PRAG1: variants seen among roughly 807,000 people sequenced by gnomAD.
PRAG1 encodes the protein inactive tyrosine-protein kinase PRAG1.
PRAG1 carries 110 observed loss-of-function variants against 95.6 expected under a neutral mutation model. The ratio of observed to expected loss-of-function variants is 1.15; its 90% CI spans 0.99 to 1.35. The LOEUF (loss-of-function observed/expected upper bound fraction) is 1.35. PRAG1 is among the 40% of genes most tolerant of loss of function. The pLI is 0.00. For missense variants in PRAG1, 2,554 were observed against 1,864.7 expected, an observed-to-expected ratio of 1.37 and a Z score of -6.81; for synonymous variants, 1,052 against 819.4, an observed-to-expected ratio of 1.28 and a Z score of -4.85.
At chr8:8,358,538 G>C (rs1799751225) in intron 3 of PRAG1, among the ~76,000 whole-genome samples, 1 of 152,070 alleles carries the variant, frequency 6.6e-6, no homozygotes, top group Admixed American at 6.5e-5. Flanking sequence ...AGTGACCAAG[G>C]GGCTGCCAGC....
At chr8:8,329,800 C>A (rs1299190334) in intron 4 of PRAG1, among the ~76,000 whole-genome samples, 1 of 152,226 alleles carries the variant, frequency 6.6e-6, no homozygotes, top group Non-Finnish European at 1.5e-5. Context: ...ATTTCTGCTG[C>A]TCCACAGGGA....
chr8:8,349,930 T>C (rs868325245), intron 3 of PRAG1, among the ~76,000 whole-genome samples: 1 of 144,760 alleles, frequency 6.9e-6, no homozygotes, highest in South Asian at 2.2e-4. Context: ...GATAGGAAAA[T>C]ACACACACAC....
In PRAG1 at chr8:8,372,185, T is replaced by C. The variant is rs143061636; in HGVS notation, c.2162+4062A>G. On this transcript the variant is annotated intron_variant, in intron 3 of 5. Coordinates refer to ENST00000615670, the MANE Select transcript of PRAG1 (RefSeq NM_001080826.3). ...CAGAAAGCAATTTGGTTCTTTCTCA[T>C]CTTAATTGTTTCCCCAGCTCTGCTG... is the stretch of plus-strand genomic sequence containing the variant. Among the ~76,000 whole-genome samples the C allele has an allele frequency of 8.9e-4, 136 of 152,328 alleles. 1 individual carries two copies. In the Middle Eastern group the frequency reaches 0.024, roughly 27 times the overall value.
At position 8,317,961 on chromosome 8, in the gene PRAG1, G is replaced by A; in HGVS notation, c.*193C>T. The A allele has an allele frequency of 2.6e-6, 1 of 391,708 alleles. No individual in the cohort carries two copies. The allele number at this position is 391,708 out of a possible 1,614,324, so 24.3% of individuals were successfully genotyped here. On this transcript the variant is annotated 3_prime_UTR_variant, in exon 6 of 6. Coordinates refer to ENST00000615670, the MANE Select transcript of PRAG1 (RefSeq NM_001080826.3). ...TTAGTGCAGAGAGGAGACGAGTGTG[G>A]ACGGGCAACAGCATCCTTAGTCTTT...
At chr8:8,373,099 G>A (rs1039363029) in intron 3 of PRAG1, among the ~76,000 whole-genome samples, 5 of 152,162 alleles carry the variant, frequency 3.3e-5, no homozygotes, top group Admixed American at 6.5e-5. Flanking sequence ...TTCCATTTTG[G>A]AAAACTGACA....
chr8:8,344,702 T>C (rs1338149735), intron 3 of PRAG1, among the ~76,000 whole-genome samples: 1 of 152,212 alleles, frequency 6.6e-6, no homozygotes, highest in East Asian at 1.9e-4. Flanking sequence ...TGAAAATTTC[T>C]AGTGAGAAAG....
intron 5 of PRAG1, among the ~76,000 whole-genome samples, chr8:8,322,306 G>A (rs1344161251): frequency 6.6e-6 from 1 of 152,026 alleles, no homozygotes; most frequent in Non-Finnish European, 1.5e-5. Flanking sequence ...TCAGCCTCCT[G>A]AGTAGCTGGG....
chr8:8,351,909 A>C lies in PRAG1; in HGVS notation c.2163-12274T>G, dbSNP rs190402634. On this transcript the variant is annotated intron_variant, in intron 3 of 5. Coordinates refer to ENST00000615670, the MANE Select transcript of PRAG1 (RefSeq NM_001080826.3). ...GTTTGGTTAAACAAAAACACTAGTG[A>C]GTTGTTACCCACTTGGGAGTCACTG... Among the ~76,000 whole-genome samples the C allele has an allele frequency of 2.8e-4, 42 of 152,224 alleles. No individual in the cohort carries two copies. In the East Asian group the frequency reaches 4.1e-3, roughly 15 times the overall value.
intron 3 of PRAG1, among the ~76,000 whole-genome samples, chr8:8,345,255 G>T (rs1343861152): frequency 6.6e-6 from 1 of 151,742 alleles, no homozygotes; most frequent in African/African-American, 2.4e-5. Flanking sequence ...AGGTGACCAG[G>T]CATCGTGGCC....
Position 8,377,968 on chromosome 8 carries a change from G to C in PRAG1, c.441C>G (p.Thr147=). The change falls in exon 3 of 6, where the codon ACC becomes ACG. Residue 147 remains threonine, a synonymous_variant. Transcript: ENST00000615670. Reference sequence around the variant, plus strand: ...GACAGCGAGAATTGCCATCAGGGGAGGTAGAGGGACCAGCAGGCTTCTGTA... The same window carrying C: ...GACAGCGAGAATTGCCATCAGGGGACGTAGAGGGACCAGCAGGCTTCTGTA... ...RGVQKPAGPS[T]SPDGNSRCPP... 6.2e-7 allele frequency: 1 copy of C among 1,613,722 alleles called. No individual in the cohort carries two copies. Among genetic ancestry groups the C allele is most frequent in the Admixed American group, 1.7e-5 (1 of 59,990 alleles).
intron 3 of PRAG1, among the ~76,000 whole-genome samples, chr8:8,343,508 T>C (rs1325383600): frequency 3.3e-5 from 5 of 152,166 alleles, no homozygotes; most frequent in Non-Finnish European, 7.3e-5. Context: ...AATATGAAAA[T>C]ACATAGAAAG....
chr8:8,352,610 G>T (rs1799558697), intron 3 of PRAG1, among the ~76,000 whole-genome samples: 1 of 152,306 alleles, frequency 6.6e-6, no homozygotes, highest in African/African-American at 2.4e-5. Context: ...CTTAAGTGCA[G>T]AGAAGTGAGA....
chr8:8,364,902 C>T (rs1221033945), intron 3 of PRAG1, among the ~76,000 whole-genome samples: 1 of 152,118 alleles, frequency 6.6e-6, no homozygotes, highest in East Asian at 1.9e-4. Context: ...GTAGGAAACA[C>T]AGACAAGCAT....
chr8:8,328,030 C>T lies in PRAG1; in HGVS notation c.2752G>A (p.Ala918Thr), dbSNP rs543159193. The T allele has an allele frequency of 6.3e-6, 10 of 1,582,826 alleles. No homozygotes were observed. Among genetic ancestry groups the T allele is most frequent in the South Asian group, 2.3e-5 (2 of 85,156 alleles). Residue 918 changes from alanine to threonine, a missense_variant, in exon 5 of 6, where the codon GCC becomes ACC. Transcript: ENST00000615670. ...GACACGCTCAGCTGGGAGGATGAGG[C>T]GGAGGGGGCCCCTTTGCACTGGAGG... ...PGLQCKGAPS[A>T]SSSQLSVSSQ...
intron 5 of PRAG1, among the ~76,000 whole-genome samples, chr8:8,322,643 G>C (rs1421395901): frequency 1.3e-5 from 2 of 152,102 alleles, no homozygotes; most frequent in Non-Finnish European, 2.9e-5. Context: ...GTCTCTTCAA[G>C]TCTGATAAAA....
intron 3 of PRAG1, among the ~76,000 whole-genome samples, chr8:8,356,665 A>AT (rs1283883023): frequency 1.3e-5 from 2 of 152,236 alleles, no homozygotes; most frequent in African/African-American, 2.4e-5. Flanking sequence ...TCTCAGTGGC[A>AT]TTTTTTGCAG....
intron 3 of PRAG1, among the ~76,000 whole-genome samples, chr8:8,365,559 G>T (rs1330332631): frequency 1.3e-5 from 2 of 152,142 alleles, no homozygotes; most frequent in African/African-American, 4.8e-5. Context: ...AGGAGTTGGA[G>T]GTTGTGGTGA....
chr8:8,376,178 G>T, intron 3 of PRAG1, 69 bp downstream of exon 3: 2 of 1,551,184 alleles, frequency 1.3e-6, no homozygotes, highest in South Asian at 2.5e-5. Flanking sequence ...GCTTTGATGA[G>T]GGCAAAGGTT....
chr8:8,385,870 C>T (rs1032709209), intron 1 of PRAG1, among the ~76,000 whole-genome samples: 1 of 152,064 alleles, frequency 6.6e-6, no homozygotes, highest in Non-Finnish European at 1.5e-5. Flanking sequence ...GCTGCATACC[C>T]TGCACCCCCA....
Sources: gnomAD v4.1 joint callset for allele counts (sites outside exome capture counted in the v4.1 genomes callset) on GRCh38, gnomAD v4.1.1 for gene constraint, MANE v1.5 for transcripts, NCBI Gene and HGNC (gene_info 2026-07-23, HGNC 2026-07-21) for gene names.